The following SLC35F4 variants were observed in gnomAD, a reference collection of about 807,000 sequenced individuals.
The protein encoded by SLC35F4 is solute carrier family 35 member F4.
In SLC35F4, 24 loss-of-function variants were observed where a neutral mutation model predicts 44.2. The ratio of observed to expected loss-of-function variants is 0.54; its 90% confidence interval spans 0.39 to 0.76. The LOEUF (loss-of-function observed/expected upper bound fraction) is 0.76, where lower values mean the gene tolerates loss of function less well. Ranked by LOEUF, SLC35F4 falls within the 30% of genes least tolerant of loss-of-function variation. The pLI is 0.00. For missense variants in SLC35F4, 562 were observed against 586.1 expected (o/e 0.96, Z 0.42); for synonymous variants, 238 against 223.6 (o/e 1.06, Z -0.57).
At chr14:57,932,880 T>C (rs781439883) in intron 1 of SLC35F4, among the ~76,000 whole-genome samples, 1 of 152,102 alleles carries the variant, frequency 6.6e-6, no homozygotes, top group Non-Finnish European at 1.5e-5. Context: ...TCTGTGTGTA[T>C]ATTAGAGAGA....
At chr14:57,961,990 AG>A (rs1890348183) in intron 1 of SLC35F4, among the ~76,000 whole-genome samples, 1 of 152,238 alleles carries the variant, frequency 6.6e-6, no homozygotes, top group African/African-American at 2.4e-5. Flanking sequence ...GTACATGCCC[AG>A]TAAATATTTT....
At chr14:57,978,408 A>G (rs1049148820) in intron 1 of SLC35F4, among the ~76,000 whole-genome samples, 1 of 152,194 alleles carries the variant, frequency 6.6e-6, no homozygotes. Context: ...AAATGCTTAC[A>G]TAATATCTGC....
chr14:57,882,896 C>G (rs540561485), intron 1 of SLC35F4, among the ~76,000 whole-genome samples: 1 of 152,180 alleles, frequency 6.6e-6, no homozygotes, highest in Non-Finnish European at 1.5e-5. Flanking sequence ...CCCTTGACTT[C>G]GGGCTTGGCC....
intron 1 of SLC35F4, chr14:57,630,198 G>T: frequency 1.8e-6 from 1 of 564,200 alleles, no homozygotes; most frequent in South Asian, 1.4e-5. Flanking sequence ...GAAAGCCAAG[G>T]AAGGGAAGAA....
chr14:57,771,758 TAAAC>T (rs1343263006), intron 1 of SLC35F4, among the ~76,000 whole-genome samples: 1 of 152,146 alleles, frequency 6.6e-6, no homozygotes, highest in African/African-American at 2.4e-5. Context: ...CACACTAACT[TAAAC>T]AAAATATTTT....
At chr14:57,741,123 A>G (rs2076595643) in intron 1 of SLC35F4, among the ~76,000 whole-genome samples, 1 of 152,224 alleles carries the variant, frequency 6.6e-6, no homozygotes, top group African/African-American at 2.4e-5. Context: ...AACCACAAAG[A>G]TGGGTAGAAA....
chr14:57,776,452 G>T (rs756783383), intron 1 of SLC35F4, among the ~76,000 whole-genome samples: 1 of 152,018 alleles, frequency 6.6e-6, no homozygotes, highest in South Asian at 2.1e-4. Flanking sequence ...GGATCACGAG[G>T]TCAGGAGATC....
intron 1 of SLC35F4, among the ~76,000 whole-genome samples, chr14:57,658,759 C>G (rs1426380205): frequency 6.6e-6 from 1 of 152,106 alleles, no homozygotes; most frequent in African/African-American, 2.4e-5. Context: ...TGTCACCTGT[C>G]TAAATCACTC....
chr14:57,654,486 C>T (rs142657896), intron 1 of SLC35F4, among the ~76,000 whole-genome samples: 5 of 152,220 alleles, frequency 3.3e-5, no homozygotes, highest in Admixed American at 2.0e-4. Flanking sequence ...TTTATCCACT[C>T]GTTGGTTGAT....
intron 3 of SLC35F4, among the ~76,000 whole-genome samples, chr14:57,587,870 CAA>C (rs60521934): frequency 0.28 from 35,473 of 124,992 alleles, 4,778 homozygotes; most frequent in East Asian, 0.58. Flanking sequence ...ATGCACCTTC[CAA>C]AAAAAAAAAA....
At chr14:57,819,721 G>A (rs62004970) in intron 1 of SLC35F4, among the ~76,000 whole-genome samples, 4,270 of 151,420 alleles carry the variant, frequency 0.028, 119 homozygotes, top group African/African-American at 0.074. Flanking sequence ...GCTGAGGCAG[G>A]AGAATTGTTT....
chr14:57,665,971 G>T (rs1051628218), intron 1 of SLC35F4, among the ~76,000 whole-genome samples: 5 of 152,132 alleles, frequency 3.3e-5, no homozygotes, highest in Non-Finnish European at 7.4e-5. Context: ...ACACATTTTG[G>T]TCTATTGGAA....
rs990996095 is a variant in SLC35F4 at position 57,564,416 on chromosome 14, T to C, written c.1217-40A>G. The C allele has an allele frequency of 2.6e-6, 4 of 1,564,804 alleles. No homozygotes were observed. The African/African-American group carries it at 4.1e-5, about 16-fold the overall frequency. Reference sequence around the variant, plus strand: ...TCAAGTCAGTCATTTCCTATGCCTGTTTCTAAGCTTTGAAAACAAGTCACC... The same window carrying C: ...TCAAGTCAGTCATTTCCTATGCCTGCTTCTAAGCTTTGAAAACAAGTCACC... On this transcript the variant is annotated intron_variant, in intron 7 of 7. Transcript: ENST00000556826.
intron 1 of SLC35F4, among the ~76,000 whole-genome samples, chr14:57,978,434 T>A (rs1881281367): frequency 6.6e-6 from 1 of 152,200 alleles, no homozygotes; most frequent in Non-Finnish European, 1.5e-5. Flanking sequence ...CTGCATGGTA[T>A]CCTGCACAAT....
intron 1 of SLC35F4, among the ~76,000 whole-genome samples, chr14:57,605,324 C>T (rs2071089807): frequency 6.6e-6 from 1 of 152,086 alleles, no homozygotes; most frequent in South Asian, 2.1e-4. Context: ...GAAAAGAAGA[C>T]ATACAAGCAG....
chr14:57,649,303 A>G (rs2073682220), intron 1 of SLC35F4, among the ~76,000 whole-genome samples: 1 of 152,192 alleles, frequency 6.6e-6, no homozygotes, highest in Non-Finnish European at 1.5e-5. Flanking sequence ...GTAGAAGTCT[A>G]AAACTGATTG....
At chr14:57,843,283 C>G (rs1885672772) in intron 1 of SLC35F4, among the ~76,000 whole-genome samples, 1 of 152,106 alleles carries the variant, frequency 6.6e-6, no homozygotes, top group Admixed American at 6.5e-5. Flanking sequence ...ACTGTCCTTC[C>G]TCTAATTGCC....
chr14:57,941,329 T>C (rs576055882), intron 1 of SLC35F4, among the ~76,000 whole-genome samples: 1 of 152,280 alleles, frequency 6.6e-6, no homozygotes, highest in East Asian at 1.9e-4. Context: ...GGCATGTAAA[T>C]ATAATAGGAT....
chr14:57,788,129 C>T (rs1304528749), intron 1 of SLC35F4, among the ~76,000 whole-genome samples: 1 of 151,908 alleles, frequency 6.6e-6, no homozygotes, highest in African/African-American at 2.4e-5. Flanking sequence ...TGTTCTTAGA[C>T]AAAACAAACT....
Sources: gnomAD v4.1 joint callset for allele counts (sites outside exome capture counted in the v4.1 genomes callset) on GRCh38, gnomAD v4.1.1 for gene constraint, MANE v1.5 for transcripts, NCBI Gene and HGNC (gene_info 2026-07-23, HGNC 2026-07-21) for gene names.